CHODL: variants seen among roughly 807,000 people sequenced by gnomAD.
CHODL encodes the protein transmembrane protein MT75.
A neutral mutation model predicts 34.5 loss-of-function variants in CHODL; 29 were observed. The ratio of observed to expected loss-of-function variants is 0.84; its 90% CI spans 0.63 to 1.15. CHODL has a LOEUF of 1.15. Ranked by LOEUF, CHODL falls within the 50% of genes most tolerant of loss-of-function variation. CHODL has a pLI of 0.00. For missense variants in CHODL, 332 were observed against 332.5 expected (o/e 1.00, Z 0.01); for synonymous variants, 125 against 116.1 (o/e 1.08, Z -0.49).
chr21:18,125,213 A>C (rs773217435), intron 2 of CHODL, among the ~76,000 whole-genome samples: 12 of 152,350 alleles, frequency 7.9e-5, no homozygotes, highest in Non-Finnish European at 1.5e-4. Flanking sequence ...GATTTACTGA[A>C]ATAATGTAAC....
intron 2 of CHODL, among the ~76,000 whole-genome samples, chr21:18,191,694 CAG>C (rs1195561295): frequency 1.3e-5 from 2 of 152,064 alleles, no homozygotes; most frequent in African/African-American, 4.8e-5. Flanking sequence ...TCAAAGAAGT[CAG>C]AGTCACAGAA....
intron 2 of CHODL, among the ~76,000 whole-genome samples, chr21:18,104,272 G>C (rs910129040): frequency 6.6e-6 from 1 of 152,074 alleles, no homozygotes; most frequent in Non-Finnish European, 1.5e-5. Flanking sequence ...AATCATGGGG[G>C]CAGTTTCCCC....
intron 2 of CHODL, among the ~76,000 whole-genome samples, chr21:18,169,285 A>G (rs2073197303): frequency 6.6e-6 from 1 of 152,112 alleles, no homozygotes; most frequent in African/African-American, 2.4e-5. Flanking sequence ...ATTTCATTTA[A>G]TTCATTAATA....
chr21:18,042,730 A>G (rs2064391331), intron 2 of CHODL, among the ~76,000 whole-genome samples: 1 of 151,970 alleles, frequency 6.6e-6, no homozygotes, highest in Non-Finnish European at 1.5e-5. Flanking sequence ...TTAAGAGAGA[A>G]ATTCTCTTGC....
At chr21:17,948,241 TTACCTC>T (rs1055209638) in intron 1 of CHODL, among the ~76,000 whole-genome samples, 9 of 151,946 alleles carry the variant, frequency 5.9e-5, no homozygotes, top group African/African-American at 2.2e-4. Flanking sequence ...AACCCAGACT[TTACCTC>T]TACATAATAA....
At chr21:18,129,860 A>G (rs11088667) in intron 2 of CHODL, among the ~76,000 whole-genome samples, 17,528 of 151,338 alleles carry the variant, frequency 0.12, 1,140 homozygotes, top group African/African-American at 0.18. Context: ...GGTAATAAAT[A>G]CATCTTTAGT....
chr21:18,141,164 G>C (rs1252032038), intron 2 of CHODL, among the ~76,000 whole-genome samples: 1 of 152,018 alleles, frequency 6.6e-6, no homozygotes, highest in Non-Finnish European at 1.5e-5. Context: ...AACCCAGAAA[G>C]GTGGACTTGG....
intron 1 of CHODL, among the ~76,000 whole-genome samples, chr21:17,927,279 G>A (rs1010706471): frequency 2.0e-5 from 3 of 151,422 alleles, no homozygotes; most frequent in South Asian, 2.1e-4. Flanking sequence ...ATGAGAGGGA[G>A]TTGAATATAC....
rs533500151 is a variant in CHODL at position 18,137,601 on chromosome 21, A to T, written c.-45+109630A>T. On this transcript the variant is annotated intron_variant, in intron 2 of 6. Coordinates refer to the CHODL transcript ENST00000400127. ...CCTTTATGCTATACCAGGCCATGGA[A>T]CTAACTTTGAGAAGCTAAAATATTC... 5.3e-5 allele frequency among the ~76,000 whole-genome samples: 8 copies of T among 152,340 alleles called. No homozygotes were observed. In the South Asian group the frequency reaches 1.4e-3, roughly 28 times the overall value.
At position 17,999,763 on chromosome 21, in the gene CHODL, A is replaced by G. The variant is rs148654463; in HGVS notation, c.-144-28109A>G. On this transcript the variant is annotated intron_variant, in intron 1 of 6. Coordinates refer to the CHODL transcript ENST00000400127. ...CCCTCCCACAACACATGGGAATTCT[A>G]GGAGATACAATTCAAGCTGAGATTT... Among the ~76,000 whole-genome samples the G allele has an allele frequency of 6.0e-3, 908 of 152,278 alleles. 9 individuals carry two copies. Among genetic ancestry groups the G allele is most frequent in the African/African-American group, 0.015 (617 of 41,568 alleles).
intron 1 of CHODL, among the ~76,000 whole-genome samples, chr21:18,251,351 G>A (rs999595097): frequency 7.5e-6 from 1 of 134,132 alleles, no homozygotes; most frequent in Non-Finnish European, 1.6e-5. Context: ...TAATAAGGAT[G>A]AATATTTCTT....
intron 1 of CHODL, among the ~76,000 whole-genome samples, chr21:17,949,286 G>A (rs1431758376): frequency 1.3e-5 from 2 of 152,176 alleles, no homozygotes; most frequent in African/African-American, 2.4e-5. Flanking sequence ...TAAATTGTCT[G>A]AGTGAGAAGT....
intron 2 of CHODL, among the ~76,000 whole-genome samples, chr21:18,181,781 G>C (rs765237193): frequency 1.3e-5 from 2 of 152,090 alleles, no homozygotes; most frequent in Non-Finnish European, 2.9e-5. Flanking sequence ...TTATATGAAT[G>C]GAATCATATA....
At chr21:18,155,768 T>C (rs2146634630) in intron 2 of CHODL, among the ~76,000 whole-genome samples, 1 of 152,314 alleles carries the variant, frequency 6.6e-6, no homozygotes, top group East Asian at 1.9e-4. Flanking sequence ...AATGTTGTTT[T>C]GAAAGGGAGG....
intron 1 of CHODL, among the ~76,000 whole-genome samples, chr21:17,918,949 C>A (rs2063162546): frequency 6.6e-6 from 1 of 152,246 alleles, no homozygotes. Flanking sequence ...TCCAGCAGGG[C>A]AGTCAAATCT....
At chr21:17,958,755 G>C (rs2063510923) in intron 1 of CHODL, among the ~76,000 whole-genome samples, 1 of 152,116 alleles carries the variant, frequency 6.6e-6, no homozygotes, top group Non-Finnish European at 1.5e-5. Context: ...AACAAAGGCA[G>C]GTTTACTTTG....
chr21:18,234,617 T>G (rs924427131), intron 2 of CHODL, among the ~76,000 whole-genome samples: 1 of 152,034 alleles, frequency 6.6e-6, no homozygotes, highest in Non-Finnish European at 1.5e-5. Flanking sequence ...ATCCACCCCT[T>G]TACCTTTGAT....
chr21:17,929,065 T>C (rs1438591708), intron 1 of CHODL, among the ~76,000 whole-genome samples: 2 of 152,342 alleles, frequency 1.3e-5, no homozygotes, highest in Middle Eastern at 3.4e-3. Flanking sequence ...TAATGGTTTG[T>C]TGGAAGAAAA....
At chr21:18,168,927 A>T (rs139993678) in intron 2 of CHODL, among the ~76,000 whole-genome samples, 6 of 152,016 alleles carry the variant, frequency 3.9e-5, no homozygotes, top group Non-Finnish European at 8.8e-5. Context: ...TTTATTTTGA[A>T]CCACTTCTTT....
Sources: allele counts gnomAD v4.1 joint callset (sites outside exome capture counted in the v4.1 genomes callset), GRCh38; gene constraint gnomAD v4.1.1; transcripts MANE v1.5; gene names NCBI Gene and HGNC (gene_info 2026-07-23, HGNC 2026-07-21).